The following GPR158 variants were observed in gnomAD, a reference collection of about 807,000 sequenced individuals.
The protein encoded by GPR158 is G protein-coupled receptor 158.
Under a neutral mutation model 78.2 loss-of-function variants are expected in GPR158, and 30 were observed. The observed-to-expected ratio is 0.38, with a 90% confidence interval of 0.29 to 0.52. The LOEUF is 0.52. Among genes scored for constraint, GPR158 ranks in the 20% least tolerant of loss-of-function variants. The pLI is 0.83. For synonymous variants in GPR158, 581 were observed against 591.1 expected, an observed-to-expected ratio of 0.98 and a Z score of 0.25; for missense variants, 1,463 against 1,523.5, an observed-to-expected ratio of 0.96 and a Z score of 0.66.
At chr10:25,522,008 T>C (rs1300832563) in intron 5 of GPR158, among the ~76,000 whole-genome samples, 1 of 152,160 alleles carries the variant, frequency 6.6e-6, no homozygotes, top group Non-Finnish European at 1.5e-5. Flanking sequence ...ATAAATAACC[T>C]CTGAGATGTC....
chr10:25,541,983 T>C (rs950187186), intron 5 of GPR158, among the ~76,000 whole-genome samples: 11 of 147,524 alleles, frequency 7.5e-5, no homozygotes, highest in Non-Finnish European at 1.5e-4. Flanking sequence ...AATTATAAAT[T>C]ATATATTATA....
chr10:25,206,152 A>G (rs1853026979), intron 1 of GPR158, among the ~76,000 whole-genome samples: 1 of 151,674 alleles, frequency 6.6e-6, no homozygotes, highest in African/African-American at 2.4e-5. Flanking sequence ...CACCTGGCTA[A>G]TTTTTTGTAT....
At chr10:25,535,094 A>G (rs966255503) in intron 5 of GPR158, among the ~76,000 whole-genome samples, 10 of 152,264 alleles carry the variant, frequency 6.6e-5, no homozygotes, top group East Asian at 3.9e-4. Flanking sequence ...TTTGTAGTCT[A>G]TATTCCTCTT....
At chr10:25,489,255 A>C (rs1439071517) in intron 5 of GPR158, among the ~76,000 whole-genome samples, 3 of 152,186 alleles carry the variant, frequency 2.0e-5, no homozygotes, top group Non-Finnish European at 4.4e-5. Flanking sequence ...AGTTTAAGGA[A>C]ACTTCACATT....
In GPR158 at chr10:25,365,854, G is replaced by C. The variant is rs528832647; in HGVS notation, c.1009-30057G>C. Among the ~76,000 whole-genome samples the C allele has an allele frequency of 1.3e-4, 19 of 151,556 alleles. No individual in the cohort carries two copies. The South Asian group carries it at 3.9e-3, about 31-fold the overall frequency. On this transcript the variant is annotated intron_variant, in intron 2 of 10. Coordinates refer to ENST00000376351, the MANE Select transcript of GPR158 (RefSeq NM_020752.3). ...AGAAAACATTCCAAAACTCCAGAAGGCCTCCTTATGTCCCCTACCCAATCA... is the reference window on the plus strand; with the variant it reads ...AGAAAACATTCCAAAACTCCAGAAGCCCTCCTTATGTCCCCTACCCAATCA...
At chr10:25,477,672 GA>G (rs547794125) in intron 5 of GPR158, among the ~76,000 whole-genome samples, 6 of 147,624 alleles carry the variant, frequency 4.1e-5, no homozygotes, top group South Asian at 4.3e-4. Context: ...TGATACAAGA[GA>G]AAAAAAAACG....
intron 5 of GPR158, among the ~76,000 whole-genome samples, chr10:25,516,559 G>T (rs1360552485): frequency 7.7e-6 from 1 of 129,116 alleles, no homozygotes; most frequent in Non-Finnish European, 1.6e-5. Flanking sequence ...AAGGTGTAAG[G>T]AAGGGATCCA....
intron 2 of GPR158, among the ~76,000 whole-genome samples, chr10:25,227,185 T>G (rs1853385476): frequency 6.6e-6 from 1 of 152,214 alleles, no homozygotes; most frequent in Non-Finnish European, 1.5e-5. Context: ...CTAAAACCAC[T>G]GAGCTGGGGA....
At chr10:25,298,228 C>T (rs1454336096) in intron 2 of GPR158, among the ~76,000 whole-genome samples, 2 of 152,004 alleles carry the variant, frequency 1.3e-5, no homozygotes, top group Non-Finnish European at 2.9e-5. Flanking sequence ...TGAATTTTGC[C>T]ACTTTAATTC....
chr10:25,236,249 T>G (rs989356928), intron 2 of GPR158, among the ~76,000 whole-genome samples: 15 of 152,178 alleles, frequency 9.9e-5, no homozygotes, highest in Admixed American at 2.6e-4. Flanking sequence ...CTCACACCTG[T>G]AATGCCAGCA....
chr10:25,556,913 G>T (rs1056824485), intron 6 of GPR158, among the ~76,000 whole-genome samples: 1 of 151,754 alleles, frequency 6.6e-6, no homozygotes, highest in Admixed American at 6.6e-5. Flanking sequence ...AAAAAGTTTT[G>T]TAAGTGGCTT....
At chr10:25,235,985 T>C (rs764056588) in intron 2 of GPR158, among the ~76,000 whole-genome samples, 106 of 152,160 alleles carry the variant, frequency 7.0e-4, no homozygotes, top group Middle Eastern at 3.4e-3. Context: ...CGTGAGCCAC[T>C]GCGCCTGGCC....
At chr10:25,295,913 T>G (rs1192357311) in intron 2 of GPR158, among the ~76,000 whole-genome samples, 1 of 152,176 alleles carries the variant, frequency 6.6e-6, no homozygotes. Context: ...AGGCCTTCCC[T>G]GAATCCCCCG....
Position 25,221,158 on chromosome 10 carries a change from G to T in GPR158, c.1008+1G>T. 7.0e-7 allele frequency: 1 copy of T among 1,426,174 alleles called. No homozygotes were observed. The allele number at this position is 1,426,174 out of a possible 1,614,324, so 88.3% of individuals were successfully genotyped here. A position where few individuals can be genotyped will look rare whatever the true frequency, so the allele number is the denominator to read the frequency against. ...TAAATGCCACCTCAACAATTCAGAG[G>T]TAAGAAGATGAAAATAAAATCCTCT... On this transcript the variant is annotated splice_donor_variant, in intron 2 of 10. Transcript: ENST00000376351. LOFTEE classifies it high-confidence loss of function.
At chr10:25,368,360 A>G (rs1402826458) in intron 2 of GPR158, among the ~76,000 whole-genome samples, 1 of 151,910 alleles carries the variant, frequency 6.6e-6, no homozygotes, top group Non-Finnish European at 1.5e-5. Context: ...CAAAGATCTT[A>G]TATCTAGCAT....
At chr10:25,291,145 A>G (rs184756557) in intron 2 of GPR158, among the ~76,000 whole-genome samples, 15 of 152,206 alleles carry the variant, frequency 9.9e-5, no homozygotes, top group African/African-American at 3.4e-4. Context: ...AAAAAGATTT[A>G]AATAGCTTAC....
At chr10:25,387,929 T>C (rs891941311) in intron 2 of GPR158, among the ~76,000 whole-genome samples, 1 of 152,180 alleles carries the variant, frequency 6.6e-6, no homozygotes, top group Non-Finnish European at 1.5e-5. Flanking sequence ...ATTGGGAAGT[T>C]TTTTGATTAC....
chr10:25,266,886 C>A (rs1024203511), intron 2 of GPR158, among the ~76,000 whole-genome samples: 2 of 152,048 alleles, frequency 1.3e-5, no homozygotes, highest in African/African-American at 2.4e-5. Context: ...CTGTTATCTG[C>A]TTCAAAGTAT....
At position 25,599,274 on chromosome 10, in the gene GPR158, G is replaced by A. The variant is rs1370614616; in HGVS notation, c.3648G>A (p.Ter1216=). The part of the protein sequence containing the change: ...KEEIWDSFKV[*] ...AGATCTGGGATAGTTTTAAAGTGTA[G>A]CATCTCCAGGAAGAAGAGGAAAAGG... The change falls in exon 11 of 11, where the codon TAG becomes TAA. Residue 1216 remains the stop codon, a stop_retained_variant. Transcript: ENST00000376351. 4 of 1,599,214 alleles carry A rather than the reference G, an allele frequency of 2.5e-6. No homozygotes were observed. The highest frequency in any genetic ancestry group is 1.7e-5 in the Admixed American group (1 of 58,854).
Sources: allele counts gnomAD v4.1 joint callset (sites outside exome capture counted in the v4.1 genomes callset), GRCh38; gene constraint gnomAD v4.1.1; transcripts MANE v1.5; gene names NCBI Gene and HGNC (gene_info 2026-07-23, HGNC 2026-07-21).